GPATCH8: variants seen among roughly 807,000 people sequenced by gnomAD.
GPATCH8 encodes G patch domain-containing protein 8.
In GPATCH8, 18 loss-of-function variants were observed where a neutral mutation model predicts 118.3. The ratio of observed to expected loss-of-function variants is 0.15; its 90% CI spans 0.11 to 0.23. GPATCH8 has a LOEUF of 0.23. Among genes scored for constraint, GPATCH8 ranks in the 10% least tolerant of loss-of-function variants. The pLI, the probability that GPATCH8 is intolerant of heterozygous loss-of-function variation, is 1.00. For synonymous variants in GPATCH8, 659 were observed against 684.7 expected, an observed-to-expected ratio of 0.96 and a Z score of 0.59; for missense variants, 1,631 against 1,873.8, an observed-to-expected ratio of 0.87 and a Z score of 2.39.
intron 3 of GPATCH8, among the ~76,000 whole-genome samples, chr17:44,456,398 G>A (rs570781535): frequency 9.2e-5 from 14 of 152,338 alleles, no homozygotes; most frequent in Middle Eastern, 3.4e-3. Flanking sequence ...TTATAGGCAT[G>A]AGCCACCACA....
At chr17:44,436,662 C>T in intron 3 of GPATCH8, 117 bp from the exon 4 acceptor site, 2 of 737,894 alleles carry the variant, frequency 2.7e-6, no homozygotes, top group Non-Finnish European at 5.0e-6. Context: ...CAGAAAGCTA[C>T]AGTGAACCAA....
chr17:44,442,202 T>G (rs1376202081), intron 3 of GPATCH8, among the ~76,000 whole-genome samples: 1 of 121,966 alleles, frequency 8.2e-6, no homozygotes, highest in Non-Finnish European at 1.8e-5. Flanking sequence ...GCACTGCATA[T>G]AGTGATGATG....
chr17:44,424,126 AC>A (rs1271446181), intron 6 of GPATCH8, among the ~76,000 whole-genome samples: 1 of 152,248 alleles, frequency 6.6e-6, no homozygotes, highest in East Asian at 1.9e-4. Context: ...GATTTACAAA[AC>A]ACAATTTGTC....
Position 44,398,896 on chromosome 17 carries a change from T to C in GPATCH8, c.3181A>G (p.Thr1061Ala), listed in dbSNP as rs1433125929. The C allele has an allele frequency of 1.9e-6, 3 of 1,614,160 alleles. No individual in the cohort carries two copies. The highest frequency in any genetic ancestry group is 1.1e-5 in the South Asian group (1 of 91,086). Residue 1061 changes from threonine to alanine, a missense_variant, in exon 8 of 8, where the codon ACA becomes GCA. By Grantham distance (58) the Thr-to-Ala change is moderately conservative. Transcript: ENST00000591680. Reference protein sequence around the residue: ...DDGRGDDSKATGPPSQNSNIG... With the variant: ...DDGRGDDSKAAGPPSQNSNIG... ...TTGCTGTTCTGGGAAGGTGGACCTG[T>C]TGCTTTACTGTCATCTCCTCTGCCA...
chr17:44,490,136 A>G (rs1969128485), intron 1 of GPATCH8, among the ~76,000 whole-genome samples: 2 of 152,018 alleles, frequency 1.3e-5, no homozygotes, highest in African/African-American at 4.8e-5. Flanking sequence ...TATCTTTACA[A>G]ATTTTTTTTA....
At chr17:44,405,828 A>C in intron 7 of GPATCH8, 93 bp downstream of exon 7, 1 of 1,021,076 alleles carries the variant, frequency 9.8e-7, no homozygotes, top group Non-Finnish European at 1.5e-6. Flanking sequence ...CTTAAATCTT[A>C]ATTTAAATCT....
Position 44,396,815 on chromosome 17 carries a change from A to C in GPATCH8, c.*753T>G. ...TAAATTAAGAAGGAAACATCAACAC[A>C]ACAGAAGAAAATATACCCTTCACTT... On this transcript the variant is annotated 3_prime_UTR_variant, in exon 8 of 8. Transcript: ENST00000591680. 1 of 454,458 alleles carries C rather than the reference A, an allele frequency of 2.2e-6. No homozygotes were observed. The highest frequency in any genetic ancestry group is 4.4e-6 in the Non-Finnish European group (1 of 226,780). 28.2% of individuals were successfully genotyped at this position (454,458 alleles called of 1,614,324 possible).
intron 6 of GPATCH8, among the ~76,000 whole-genome samples, chr17:44,418,810 G>C (rs978102358): frequency 6.6e-6 from 1 of 152,288 alleles, no homozygotes; most frequent in African/African-American, 2.4e-5. Context: ...ATGTAAAAAG[G>C]AATCATATAT....
chr17:44,455,674 A>G (rs1424983226), intron 3 of GPATCH8, among the ~76,000 whole-genome samples: 4 of 152,188 alleles, frequency 2.6e-5, no homozygotes, highest in Non-Finnish European at 4.4e-5. Context: ...AGTAAGATAG[A>G]AAGACAACTT....
At chr17:44,474,970 C>T in intron 1 of GPATCH8, 67 bp from the exon 2 acceptor site, 2 of 771,834 alleles carry the variant, frequency 2.6e-6, no homozygotes, top group Non-Finnish European at 4.7e-6. Flanking sequence ...ACAGCTTAAC[C>T]AAACTAAGGA....
chr17:44,461,374 G>T (rs1001587477), intron 3 of GPATCH8, among the ~76,000 whole-genome samples: 1 of 151,606 alleles, frequency 6.6e-6, no homozygotes, highest in African/African-American at 2.4e-5. Context: ...TGTAGAGATG[G>T]GGGTCTTGCT....
At position 44,401,079 on chromosome 17, in the gene GPATCH8, T is replaced by A. The variant is rs757755124; in HGVS notation, c.998A>T (p.Lys333Ile). The change falls in exon 8 of 8, where the codon AAA becomes ATA. Residue 333 changes from lysine to isoleucine, a missense_variant. Coordinates refer to ENST00000591680, the MANE Select transcript of GPATCH8 (RefSeq NM_001002909.4). ...TTGGTCAGAACTCTTCTCATCGGGT[T>A]TTGTTCCATCTTCAGAGGTCCCTTC... ...AEEGTSEDGT[K>I]PDEKSSDQGL... 6.2e-7 allele frequency: 1 copy of A among 1,614,164 alleles called. No homozygotes were observed. The highest frequency in any genetic ancestry group is 8.5e-7 in the Non-Finnish European group (1 of 1,180,024).
chr17:44,444,241 A>C (rs1003195299), intron 3 of GPATCH8, among the ~76,000 whole-genome samples: 5 of 98,354 alleles, frequency 5.1e-5, no homozygotes, highest in Non-Finnish European at 9.9e-5. Context: ...AGAATTCATG[A>C]GTTACTTTCA....
intron 6 of GPATCH8, among the ~76,000 whole-genome samples, chr17:44,422,399 A>C (rs1010257765): frequency 6.6e-6 from 1 of 152,088 alleles, no homozygotes. Context: ...TACATTGCTC[A>C]GGGTGGTCTC....
At chr17:44,492,060 G>A (rs938419813) in intron 1 of GPATCH8, among the ~76,000 whole-genome samples, 1 of 152,072 alleles carries the variant, frequency 6.6e-6, no homozygotes, top group African/African-American at 2.4e-5. Flanking sequence ...AGCAATTTAG[G>A]AGGCTGAGGT....
chr17:44,411,947 A>T (rs754410788), intron 6 of GPATCH8, among the ~76,000 whole-genome samples: 5 of 151,986 alleles, frequency 3.3e-5, no homozygotes, highest in Non-Finnish European at 7.4e-5. Flanking sequence ...ATTGAGATGG[A>T]GTTTCACTCT....
chr17:44,464,827 G>A (rs1189873488), intron 2 of GPATCH8: 4 of 390,362 alleles, frequency 1.0e-5, no homozygotes, highest in East Asian at 5.3e-5. Context: ...AAGGGGAAAG[G>A]GAAAAGGGGA....
At chr17:44,407,086 C>T (rs1337329054) in intron 6 of GPATCH8, 2 of 151,918 alleles carry the variant, frequency 1.3e-5, no homozygotes, top group Non-Finnish European at 2.9e-5. Flanking sequence ...TGATGTTCAA[C>T]AGACAGAGGA....
At chr17:44,423,494 A>G (rs1416590099) in intron 6 of GPATCH8, among the ~76,000 whole-genome samples, 1 of 152,210 alleles carries the variant, frequency 6.6e-6, no homozygotes, top group African/African-American at 2.4e-5. Context: ...AAAAAATCTT[A>G]GTTCAACAAG....
Sources: gnomAD v4.1 joint callset for allele counts (sites outside exome capture counted in the v4.1 genomes callset) on GRCh38, gnomAD v4.1.1 for gene constraint, MANE v1.5 for transcripts, NCBI Gene and HGNC (gene_info 2026-07-23, HGNC 2026-07-21) for gene names.